MCC: variants seen among roughly 807,000 people sequenced by gnomAD.
MCC encodes colorectal mutant cancer protein.
MCC carries 90 observed loss-of-function variants against 116.2 expected under a neutral mutation model. The observed-to-expected ratio is 0.77, with a 90% confidence interval of 0.65 to 0.92. The LOEUF is 0.92. MCC is among the 40% of genes least tolerant of loss of function. MCC has a pLI of 0.00. For synonymous variants in MCC, 578 were observed against 510.5 expected, an observed-to-expected ratio of 1.13 and a Z score of -1.78; for missense variants, 1,516 against 1,312.2, an observed-to-expected ratio of 1.16 and a Z score of -2.40.
At chr5:113,064,267 T>C (rs777545162) in intron 13 of MCC, 100 bp from the exon 14 acceptor site, 2 of 1,130,800 alleles carry the variant, frequency 1.8e-6, no homozygotes, top group Non-Finnish European at 2.5e-6. Flanking sequence ...AGGGCAGAGG[T>C]GGCACTGTGG....
chr5:113,213,529 AG>A (rs1490008033), intron 3 of MCC, among the ~76,000 whole-genome samples: 4 of 152,230 alleles, frequency 2.6e-5, no homozygotes, highest in African/African-American at 9.6e-5. Context: ...GTCATAAAAG[AG>A]AACAACGACA....
At chr5:113,325,479 C>G (rs931223502) in intron 3 of MCC, among the ~76,000 whole-genome samples, 1 of 126,186 alleles carries the variant, frequency 7.9e-6, no homozygotes, top group African/African-American at 2.9e-5. Context: ...AATAGAAATT[C>G]TTCTCATGGA....
chr5:113,440,531 G>A lies in MCC; in HGVS notation c.170+47714C>T, dbSNP rs539623886. 2.6e-5 allele frequency among the ~76,000 whole-genome samples: 4 copies of A among 151,766 alleles called. No individual in the cohort carries two copies. The South Asian group carries it at 8.3e-4, about 32-fold the overall frequency. ...ATTCTCAATGCACAATGCTCTATAG[G>A]TACTCAATAGATATTTATTTAAAGA... On this transcript the variant is annotated intron_variant, in intron 1 of 18. Transcript: ENST00000408903.
chr5:113,143,484 A>G (rs1447229006), intron 4 of MCC, 124 bp from the exon 5 acceptor site: 7 of 989,044 alleles, frequency 7.1e-6, no homozygotes, highest in Non-Finnish European at 1.1e-5. Context: ...AATAAAATGT[A>G]TGTCAGCTCA....
rs1554079183 is a variant in MCC at position 113,367,633 on chromosome 5, G to GGT, written c.415+17334_415+17335insAC. On this transcript the variant is annotated intron_variant, in intron 2 of 18. Transcript: ENST00000408903. ...GGGCATAAGGAAGGCAGAGGGTGGG[G>GGT]GGGGGGAAGAGAGAGAGAAAGAGAG... Among the ~76,000 whole-genome samples, 282 of 107,576 alleles carry GGT rather than the reference G, an allele frequency of 2.6e-3. 6 individuals are homozygous for GGT. The highest frequency in any genetic ancestry group is 6.1e-3 in the Admixed American group (52 of 8,580). The allele number at this position is 107,576 out of a possible 152,430, so 70.6% of individuals were successfully genotyped here.
rs143172243 is a variant in MCC, at chr5:113,074,134, G to A, written c.1785-2900C>T. On this transcript the variant is annotated intron_variant, in intron 11 of 18. Coordinates refer to ENST00000408903, the MANE Select transcript of MCC (RefSeq NM_001085377.2). ...CCTAACTGGGAGACACCTCCCAGTA[G>A]GGGCCGACTGACACCTCATACAGCT... is the stretch of plus-strand genomic sequence containing the variant. 8.7e-3 allele frequency among the ~76,000 whole-genome samples: 1,318 copies of A among 152,342 alleles called. 22 individuals carry two copies. Among genetic ancestry groups the A allele is most frequent in the African/African-American group, 0.03 (1,255 of 41,574 alleles).
chr5:113,418,262 T>C (rs1770213099), intron 1 of MCC, among the ~76,000 whole-genome samples: 1 of 148,952 alleles, frequency 6.7e-6, no homozygotes, highest in South Asian at 2.1e-4. Context: ...CTTAAAAGTA[T>C]AATAATAAAA....
rs375468278 is a variant in MCC, at chr5:113,067,351, T to C, written c.2029+729A>G. Reference sequence around the variant, plus strand: ...AGACCTGGCAGGGGAAACCCATGTTTCAAAACTACTCAAAAGCCGGGCGCA... The same window carrying C: ...AGACCTGGCAGGGGAAACCCATGTTCCAAAACTACTCAAAAGCCGGGCGCA... On this transcript the variant is annotated intron_variant, in intron 13 of 18. Coordinates refer to ENST00000408903, the MANE Select transcript of MCC (RefSeq NM_001085377.2). 3.4e-4 allele frequency among the ~76,000 whole-genome samples: 51 copies of C among 152,226 alleles called. 1 individual carries two copies. Among genetic ancestry groups the C allele is most frequent in the African/African-American group, 1.2e-3 (48 of 41,536 alleles).
At chr5:113,030,650 C>T (rs1750889405) in intron 17 of MCC, among the ~76,000 whole-genome samples, 2 of 152,178 alleles carry the variant, frequency 1.3e-5, no homozygotes, top group African/African-American at 4.8e-5. Flanking sequence ...TGCACTCCAG[C>T]TTGGGTGACG....
chr5:113,428,997 A>G (rs1053644484), intron 1 of MCC, among the ~76,000 whole-genome samples: 2 of 152,244 alleles, frequency 1.3e-5, no homozygotes, highest in Admixed American at 1.3e-4. Flanking sequence ...ATGTTGGGTC[A>G]GAATTTATAT....
chr5:113,422,307 G>T (rs527610313), intron 1 of MCC, among the ~76,000 whole-genome samples: 2 of 152,238 alleles, frequency 1.3e-5, no homozygotes, highest in South Asian at 4.1e-4. Flanking sequence ...GATATAAACA[G>T]CCCCAAGAGC....
chr5:113,153,362 A>C (rs1487960892), intron 3 of MCC, among the ~76,000 whole-genome samples: 1 of 152,176 alleles, frequency 6.6e-6, no homozygotes, highest in Non-Finnish European at 1.5e-5. Flanking sequence ...ATGCTCCCCC[A>C]CAGACTCCAT....
intron 2 of MCC, among the ~76,000 whole-genome samples, chr5:113,359,541 TA>T (rs1768496331): frequency 6.6e-6 from 1 of 152,256 alleles, no homozygotes; most frequent in Non-Finnish European, 1.5e-5. Flanking sequence ...AAGTTTAATA[TA>T]AAAGGCAAAG....
intron 14 of MCC, among the ~76,000 whole-genome samples, chr5:113,060,391 G>T (rs1753135618): frequency 6.6e-6 from 1 of 152,134 alleles, no homozygotes. Context: ...CTGACCTCAT[G>T]ATCTGCCCGC....
At chr5:113,062,356 G>C (rs1419980873) in intron 14 of MCC, among the ~76,000 whole-genome samples, 5 of 152,222 alleles carry the variant, frequency 3.3e-5, no homozygotes, top group African/African-American at 4.8e-5. Flanking sequence ...AAGCTAAATA[G>C]ATGGTGATAA....
chr5:113,212,094 G>A (rs1357923239), intron 3 of MCC, among the ~76,000 whole-genome samples: 1 of 152,120 alleles, frequency 6.6e-6, no homozygotes, highest in Non-Finnish European at 1.5e-5. Flanking sequence ...TTTTACTAAG[G>A]TCTGGCATTT....
intron 1 of MCC, among the ~76,000 whole-genome samples, chr5:113,391,795 A>C (rs1366016550): frequency 1.3e-5 from 2 of 151,866 alleles, no homozygotes; most frequent in African/African-American, 4.8e-5. Flanking sequence ...AGAAATGATC[A>C]GGAGAACTAG....
intron 3 of MCC, among the ~76,000 whole-genome samples, chr5:113,197,775 A>T (rs910159472): frequency 1.8e-4 from 28 of 152,260 alleles, no homozygotes; most frequent in African/African-American, 6.5e-4. Context: ...GGCAGGGCAT[A>T]AGTAATCTGC....
chr5:113,096,106 A>T (rs1755994111), intron 8 of MCC, among the ~76,000 whole-genome samples: 1 of 152,192 alleles, frequency 6.6e-6, no homozygotes, highest in African/African-American at 2.4e-5. Flanking sequence ...CATAGCAGGC[A>T]GCTTCCCTAG....
Sources: gnomAD v4.1 joint callset for allele counts (sites outside exome capture counted in the v4.1 genomes callset) on GRCh38, gnomAD v4.1.1 for gene constraint, MANE v1.5 for transcripts, NCBI Gene and HGNC (gene_info 2026-07-23, HGNC 2026-07-21) for gene names.